PFKL: variants seen among roughly 807,000 people sequenced by gnomAD.
PFKL encodes the protein ATP-dependent 6-phosphofructokinase, liver type.
Under a neutral mutation model 92.1 loss-of-function variants are expected in PFKL, and 74 were observed. That is an observed-to-expected ratio of 0.80 (90% confidence interval 0.67 to 0.97). The LOEUF (loss-of-function observed/expected upper bound fraction) is 0.97, where lower values mean the gene tolerates loss of function less well. PFKL is among the 50% of genes least tolerant of loss of function. The pLI is 0.00. For missense variants in PFKL, 1,028 were observed against 1,116.6 expected, an observed-to-expected ratio of 0.92 and a Z score of 1.13; for synonymous variants, 494 against 456.4, an observed-to-expected ratio of 1.08 and a Z score of -1.05.
Position 44,323,762 on chromosome 21 carries a change from G to A in PFKL, c.1498-4G>A, listed in dbSNP as rs201600558. ...CTTGACCTGCCCCGTCCCTACTGCTGCAGGCCTATGAAGGGGTGCTGCAGC... is the reference window on the plus strand; with the variant it reads ...CTTGACCTGCCCCGTCCCTACTGCTACAGGCCTATGAAGGGGTGCTGCAGC... On this transcript the variant is annotated splice_region_variant and splice_polypyrimidine_tract_variant and intron_variant, in intron 15 of 21. Transcript: ENST00000349048. 3 of 1,610,794 alleles carry A rather than the reference G, an allele frequency of 1.9e-6. No individual in the cohort carries two copies. The highest frequency in any genetic ancestry group is 2.7e-5 in the African/African-American group (2 of 74,998).
chr21:44,320,156 G>A lies in PFKL; in HGVS notation c.1191+9G>A. ...AGCCCCCCAAGGAGAAGGTGAGGCA[G>A]GGAGCGGCGCCCACAGAGGGAGGAA... On this transcript the variant is annotated intron_variant, in intron 12 of 21. Coordinates refer to ENST00000349048, the MANE Select transcript of PFKL (RefSeq NM_002626.6). The A allele has an allele frequency of 1.2e-6, 2 of 1,612,154 alleles. No homozygotes were observed. Among genetic ancestry groups the A allele is most frequent in the Non-Finnish European group, 1.7e-6 (2 of 1,178,808 alleles).
intron 7 of PFKL, chr21:44,315,569 CAG>C (rs749506819): frequency 2.6e-4 from 40 of 153,448 alleles, no homozygotes; most frequent in Non-Finnish European, 4.8e-4. Context: ...GCTTGTGGCT[CAG>C]AGCGAGTCCC....
In PFKL at chr21:44,300,190, G is replaced by A; in HGVS notation, c.85G>A (p.Gly29Ser). The stretch of plus-strand genomic sequence containing the variant: ...CCTGACCAGCGGCGGCGACGCGCAA[G>A]GTGGGCGGGGGTCCCGGCCGCGTCG... ...GVLTSGGDAQ[G>S]MNAAVRAVTR... Residue 29 changes from glycine (G) to serine (S), a missense_variant and splice_region_variant, in exon 1 of 22, where the codon GGC becomes AGC. Gly to Ser is a moderately conservative substitution (Grantham distance 56, BLOSUM62 0). Transcript: ENST00000349048. 1 of 1,112,148 alleles carries A rather than the reference G, an allele frequency of 9.0e-7. No individual in the cohort carries two copies. The highest frequency in any genetic ancestry group is 1.1e-6 in the Non-Finnish European group (1 of 909,458). 68.9% of individuals were successfully genotyped at this position (1,112,148 alleles called of 1,614,324 possible).
At chr21:44,305,107 G>T in intron 1 of PFKL, 1 of 529,440 alleles carries the variant, frequency 1.9e-6, no homozygotes. Context: ...GTGGGTCTGG[G>T]TGAGTCCTGG....
intron 16 of PFKL, 89 bp downstream of exon 16, chr21:44,324,007 T>A: frequency 6.7e-7 from 1 of 1,489,348 alleles, no homozygotes; most frequent in East Asian, 2.3e-5. Context: ...GGATAGTGTG[T>A]GGTGAGCACC....
At chr21:44,304,337 A>G (rs747870363) in intron 1 of PFKL, 1 of 1,287,886 alleles carries the variant, frequency 7.8e-7, no homozygotes, top group Non-Finnish European at 1.0e-6. Flanking sequence ...TGACCCGCCC[A>G]GTGGCACATT....
intron 7 of PFKL, 197 bp downstream of exon 7, chr21:44,314,218 C>T (rs1410083288): frequency 5.2e-6 from 3 of 581,048 alleles, no homozygotes; most frequent in Non-Finnish European, 9.2e-6. Context: ...TGTGGTCCTG[C>T]CCCCAGTGGG....
intron 4 of PFKL, 111 bp downstream of exon 4, chr21:44,312,405 A>G (rs1340284238): frequency 2.0e-6 from 2 of 1,017,798 alleles, no homozygotes; most frequent in Non-Finnish European, 2.7e-6. Context: ...GCCCCGAGGC[A>G]GAGGAGGGGC....
At chr21:44,306,019 T>C in intron 1 of PFKL, 1 of 1,167,620 alleles carries the variant, frequency 8.6e-7, no homozygotes. Flanking sequence ...CAGTCCCCCA[T>C]CTCATTGCGG....
chr21:44,323,953 A>G (rs1302688064), intron 16 of PFKL, 35 bp downstream of exon 16: 7 of 1,611,532 alleles, frequency 4.3e-6, no homozygotes, highest in Non-Finnish European at 5.1e-6. Flanking sequence ...TGCCATGCCC[A>G]GGCCCTTGTG....
intron 1 of PFKL, among the ~76,000 whole-genome samples, chr21:44,301,794 G>C (rs1398157117): frequency 6.6e-6 from 1 of 152,218 alleles, no homozygotes; most frequent in Non-Finnish European, 1.5e-5. Flanking sequence ...TCCCCAACCA[G>C]CTTCCTTGTT....
At chr21:44,316,184 G>A (rs570617618) in intron 7 of PFKL, 60 bp from the exon 8 acceptor site, 3 of 1,516,840 alleles carry the variant, frequency 2.0e-6, no homozygotes, top group South Asian at 1.1e-5. Context: ...GCACCCGGGG[G>A]CTGTGTCCGG....
Position 44,312,947 on chromosome 21 carries a change from C to T in PFKL, c.428-31C>T, listed in dbSNP as rs761055977. 3.7e-6 allele frequency: 6 copies of T among 1,609,020 alleles called. No individual in the cohort carries two copies. In the South Asian group the frequency reaches 6.6e-5, roughly 18 times the overall value. ...CCCTGTGGTGGGGCCAGTGGAGCCTCAGCCAGGTCCTCCTGCTGCTCCTGG... is the reference window on the plus strand; with the variant it reads ...CCCTGTGGTGGGGCCAGTGGAGCCTTAGCCAGGTCCTCCTGCTGCTCCTGG... On this transcript the variant is annotated intron_variant, in intron 4 of 21. Transcript: ENST00000349048.
intron 1 of PFKL, among the ~76,000 whole-genome samples, chr21:44,306,467 C>T (rs1004862409): frequency 6.6e-6 from 1 of 152,040 alleles, no homozygotes. Flanking sequence ...GCCTTCCCTA[C>T]CCCCTGCCCT....
intron 1 of PFKL, chr21:44,305,365 G>C: frequency 7.3e-7 from 1 of 1,365,982 alleles, no homozygotes; most frequent in Non-Finnish European, 9.8e-7. Flanking sequence ...TCCTCTCGTG[G>C]GGGTCTCCAT....
chr21:44,319,431 A>G lies in PFKL; in HGVS notation c.1127+16A>G, dbSNP rs776894161. 1.1e-5 allele frequency: 18 copies of G among 1,608,596 alleles called. No individual in the cohort carries two copies. The Admixed American group carries it at 2.7e-4, about 24-fold the overall frequency. On this transcript the variant is annotated intron_variant, in intron 11 of 21. Coordinates refer to ENST00000349048, the MANE Select transcript of PFKL (RefSeq NM_002626.6). ...TCCGTGGTGGGTAAGCCCCCTCAGC[A>G]GACCCCTGCACTCTTACATGGCTGG...
At chr21:44,325,609 C>T (rs1002904207) in intron 19 of PFKL, 16 of 491,672 alleles carry the variant, frequency 3.3e-5, no homozygotes, top group Non-Finnish European at 5.2e-5. Context: ...AAGCCCGCGT[C>T]CTGGGGTTTT....
intron 1 of PFKL, among the ~76,000 whole-genome samples, chr21:44,306,466 A>G (rs147034358): frequency 1.9e-3 from 281 of 149,894 alleles, no homozygotes; most frequent in Middle Eastern, 6.8e-3. Flanking sequence ...GGCCTTCCCT[A>G]CCCCCTGCCC....
At chr21:44,325,799 G>C (rs2047489757) in intron 19 of PFKL, 162 bp from the exon 20 acceptor site, 2 of 605,676 alleles carry the variant, frequency 3.3e-6, no homozygotes, top group Non-Finnish European at 5.9e-6. Context: ...GAGCAGGCAG[G>C]GTCCTCGATC....
Sources: allele counts gnomAD v4.1 joint callset (sites outside exome capture counted in the v4.1 genomes callset), GRCh38; gene constraint gnomAD v4.1.1; transcripts MANE v1.5; gene names NCBI Gene and HGNC (gene_info 2026-07-23, HGNC 2026-07-21).